XRCC4: variants seen among roughly 807,000 people sequenced by gnomAD.
XRCC4 encodes the protein X-ray repair cross complementing 4.
XRCC4 carries 28 observed loss-of-function variants against 39.1 expected under a neutral mutation model. The ratio of observed to expected loss-of-function variants is 0.72; its 90% confidence interval spans 0.53 to 0.98. XRCC4 has a LOEUF of 0.98. XRCC4 is among the 50% of genes least tolerant of loss of function. The pLI is 0.00. For missense variants in XRCC4, 350 were observed against 376.4 expected (o/e 0.93, Z 0.58); for synonymous variants, 123 against 126.4 (o/e 0.97, Z 0.18).
intron 3 of XRCC4, among the ~76,000 whole-genome samples, chr5:83,178,308 T>C (rs1237578523): frequency 6.6e-6 from 1 of 152,178 alleles, no homozygotes; most frequent in Admixed American, 6.5e-5. Context: ...TGATCTGGAC[T>C]AGAGCTACAG....
chr5:83,358,052 C>A (rs1178449756), downstream of XRCC4, among the ~76,000 whole-genome samples: 1 of 152,086 alleles, frequency 6.6e-6, no homozygotes, highest in Non-Finnish European at 1.5e-5. Context: ...ATTCATGCAT[C>A]CATTTGTAGC....
chr5:83,128,948 T>C (rs1391022915), intron 3 of XRCC4, among the ~76,000 whole-genome samples: 1 of 152,194 alleles, frequency 6.6e-6, no homozygotes, highest in Non-Finnish European at 1.5e-5. Flanking sequence ...TGACGATAGT[T>C]TCTTTTGCTG....
intron 7 of XRCC4, among the ~76,000 whole-genome samples, chr5:83,332,476 A>G (rs1756470181): frequency 6.6e-6 from 1 of 152,222 alleles, no homozygotes; most frequent in Non-Finnish European, 1.5e-5. Flanking sequence ...CAGTGTCTAG[A>G]AAAGCATAAT....
chr5:83,216,750 A>G (rs1580382514), intron 6 of XRCC4, among the ~76,000 whole-genome samples: 1 of 152,168 alleles, frequency 6.6e-6, no homozygotes, highest in South Asian at 2.1e-4. Context: ...TATATCTAAT[A>G]TCAAGAAAAA....
At chr5:83,259,317 T>C (rs529316827) in intron 7 of XRCC4, 1 of 152,314 alleles carries the variant, frequency 6.6e-6, no homozygotes, top group South Asian at 2.1e-4. Context: ...TATGTGTATG[T>C]ATGCTCTGAA....
rs369499884 is a variant in XRCC4, at chr5:83,195,930, A to G, written c.476A>G (p.Gln159Arg). 1.7e-5 allele frequency: 27 copies of G among 1,607,702 alleles called. No individual in the cohort carries two copies. Among genetic ancestry groups the G allele is most frequent in the Admixed American group, 1.0e-4 (6 of 59,332 alleles). Reference protein sequence around the residue: ...ERLLRDWNDVQGRFEKCVSAK... With the variant: ...ERLLRDWNDVRGRFEKCVSAK... ...CTTCTGAGAGATTGGAATGATGTTC[A>G]AGGACGGTGTGTACACAGTTTGCTT... Residue 159 changes from glutamine to arginine, a missense_variant, in exon 4 of 8, where the codon CAA becomes CGA. Transcript: ENST00000396027.
At chr5:83,245,499 A>T (rs2112858638) in intron 6 of XRCC4, among the ~76,000 whole-genome samples, 1 of 152,242 alleles carries the variant, frequency 6.6e-6, no homozygotes, top group African/African-American at 2.4e-5. Flanking sequence ...TAGGAATATA[A>T]TTGTTATTGT....
chr5:83,321,350 C>T (rs996666127), intron 7 of XRCC4, among the ~76,000 whole-genome samples: 5 of 152,094 alleles, frequency 3.3e-5, no homozygotes, highest in African/African-American at 1.2e-4. Context: ...TTTAGGGTTG[C>T]ATAATTTGCC....
intron 3 of XRCC4, among the ~76,000 whole-genome samples, chr5:83,178,424 A>C (rs931571011): frequency 2.0e-5 from 3 of 152,160 alleles, no homozygotes; most frequent in African/African-American, 7.2e-5. Context: ...GAGAATAAGA[A>C]TGTAGTCAGC....
At chr5:83,210,758 A>G (rs951465588) in intron 6 of XRCC4, among the ~76,000 whole-genome samples, 28 of 152,212 alleles carry the variant, frequency 1.8e-4, no homozygotes, top group Admixed American at 1.3e-4. Context: ...ACTTCATGGT[A>G]GGTAGCTTGT....
intron 3 of XRCC4, among the ~76,000 whole-genome samples, chr5:83,151,378 A>G (rs1335838398): frequency 6.6e-6 from 1 of 152,162 alleles, no homozygotes; most frequent in Non-Finnish European, 1.5e-5. Flanking sequence ...TGTACTGCTG[A>G]AAAGTGCCAT....
intron 7 of XRCC4, among the ~76,000 whole-genome samples, chr5:83,295,822 T>A (rs1755075005): frequency 1.3e-5 from 2 of 151,928 alleles, no homozygotes; most frequent in African/African-American, 4.8e-5. Flanking sequence ...ATGAGAGAGT[T>A]TGGAATTTAC....
At chr5:83,367,217 A>G in the XRCC4 span, among the ~76,000 whole-genome samples, 1 of 152,202 alleles carries the variant, frequency 6.6e-6, no homozygotes, top group Non-Finnish European at 1.5e-5. Flanking sequence ...TTCTAGTACA[A>G]CAAACCCTTT....
chr5:83,312,082 A>G (rs927959955), intron 7 of XRCC4, among the ~76,000 whole-genome samples: 1 of 152,134 alleles, frequency 6.6e-6, no homozygotes, highest in African/African-American at 2.4e-5. Flanking sequence ...GCCACACAGA[A>G]AGCTGAAGAA....
intron 3 of XRCC4, among the ~76,000 whole-genome samples, chr5:83,145,315 T>G (rs1748400496): frequency 6.6e-6 from 1 of 152,238 alleles, no homozygotes. Context: ...TTCTTCAGTG[T>G]GTTATTTCTC....
At chr5:83,323,683 T>C (rs1045448248) in intron 7 of XRCC4, among the ~76,000 whole-genome samples, 3 of 152,024 alleles carry the variant, frequency 2.0e-5, no homozygotes, top group African/African-American at 7.2e-5. Context: ...TTGTGAGAGT[T>C]GAACAGTAAA....
At chr5:83,215,446 C>A (rs1412239630) in intron 6 of XRCC4, among the ~76,000 whole-genome samples, 1 of 152,108 alleles carries the variant, frequency 6.6e-6, no homozygotes. Context: ...CAAAAATTGA[C>A]AGAATGATCC....
At chr5:83,250,419 A>C (rs1753261928) in intron 6 of XRCC4, among the ~76,000 whole-genome samples, 1 of 152,220 alleles carries the variant, frequency 6.6e-6, no homozygotes, top group South Asian at 2.1e-4. Context: ...TTAGTATTTA[A>C]GAATTTATAG....
intron 6 of XRCC4, among the ~76,000 whole-genome samples, chr5:83,254,855 G>T (rs1241950635): frequency 6.6e-6 from 1 of 152,142 alleles, no homozygotes; most frequent in Non-Finnish European, 1.5e-5. Context: ...GGGAGGCCGA[G>T]GTGGGTAGAT....
Sources: gnomAD v4.1 joint callset for allele counts (sites outside exome capture counted in the v4.1 genomes callset) on GRCh38, gnomAD v4.1.1 for gene constraint, MANE v1.5 for transcripts, NCBI Gene and HGNC (gene_info 2026-07-23, HGNC 2026-07-21) for gene names.